LIMS1: variants seen among roughly 807,000 people sequenced by gnomAD.
LIMS1 encodes LIM and senescent cell antigen-like-containing domain protein 1.
A neutral mutation model predicts 44.1 loss-of-function variants in LIMS1; 18 were observed. The ratio of observed to expected loss-of-function variants is 0.41; its 90% CI spans 0.28 to 0.61. LIMS1 has a LOEUF of 0.61. Among genes scored for constraint, LIMS1 ranks in the 20% least tolerant of loss-of-function variants. The pLI is 0.32. For synonymous variants in LIMS1, 93 were observed against 149.1 expected (o/e 0.62, Z 2.74); for missense variants, 201 against 422.0 (o/e 0.48, Z 4.59).
intron 1 of LIMS1, among the ~76,000 whole-genome samples, chr2:108,630,882 T>A (rs1383590525): frequency 1.3e-5 from 2 of 152,244 alleles, no homozygotes; most frequent in African/African-American, 4.8e-5. Context: ...TAAGCTTTCA[T>A]ATTTTGTGTT....
chr2:108,647,320 G>A (rs941430045), intron 1 of LIMS1, among the ~76,000 whole-genome samples: 1 of 152,082 alleles, frequency 6.6e-6, no homozygotes, highest in African/African-American at 2.4e-5. Context: ...GAGGCAGCAA[G>A]TAATAGCCTA....
intron 5 of LIMS1, 107 bp from the exon 6 acceptor site, chr2:108,675,771 G>C (rs1291687475): frequency 3.6e-6 from 5 of 1,388,212 alleles, no homozygotes; most frequent in African/African-American, 2.9e-5. Flanking sequence ...AAATTTGCAG[G>C]GATTGTCATA....
chr2:108,649,094 G>A (rs938633928), intron 1 of LIMS1, among the ~76,000 whole-genome samples: 3 of 152,010 alleles, frequency 2.0e-5, no homozygotes, highest in Non-Finnish European at 4.4e-5. Flanking sequence ...TCTGACAAAG[G>A]GCTAATATCC....
intron 1 of LIMS1, among the ~76,000 whole-genome samples, chr2:108,612,248 A>G (rs1687698221): frequency 6.6e-6 from 1 of 151,924 alleles, no homozygotes; most frequent in Non-Finnish European, 1.5e-5. Flanking sequence ...AAGCAGTAGG[A>G]GCAAGTGGCT....
chr2:108,622,970 T>C (rs1688336361), intron 1 of LIMS1, among the ~76,000 whole-genome samples: 1 of 129,518 alleles, frequency 7.7e-6, no homozygotes, highest in African/African-American at 2.9e-5. Context: ...TTCAAACAAC[T>C]AGATTTTTTT....
intron 8 of LIMS1, among the ~76,000 whole-genome samples, chr2:108,679,864 A>G (rs1692835621): frequency 6.6e-6 from 1 of 152,140 alleles, no homozygotes; most frequent in African/African-American, 2.4e-5. Context: ...TGATCGCACC[A>G]CTGCAATACA....
intron 1 of LIMS1, among the ~76,000 whole-genome samples, chr2:108,589,392 T>G (rs545476022): frequency 1.5e-4 from 23 of 152,202 alleles, no homozygotes; most frequent in Non-Finnish European, 3.1e-4. Flanking sequence ...TACAGTATTA[T>G]TAATTATAAT....
intron 1 of LIMS1, among the ~76,000 whole-genome samples, chr2:108,580,376 A>G (rs773456158): frequency 6.6e-6 from 1 of 152,208 alleles, no homozygotes; most frequent in Admixed American, 6.5e-5. Flanking sequence ...AGGAAGAAGC[A>G]CCATGCCTAG....
Position 108,585,185 on chromosome 2 carries a change from G to A in LIMS1, c.32+50591G>A, listed in dbSNP as rs1302947642. ...AAAAAAAAAAAAGGCGGGGCCAGGC[G>A]ATATAGGGTTTTGTGTGTTACCTTA... On this transcript the variant is annotated intron_variant, in intron 1 of 9. Transcript: ENST00000544547. Among the ~76,000 whole-genome samples the A allele has an allele frequency of 2.7e-5, 4 of 150,562 alleles. No homozygotes were observed. The South Asian group carries it at 6.3e-4, about 24-fold the overall frequency.
intron 1 of LIMS1, among the ~76,000 whole-genome samples, chr2:108,625,866 G>T (rs570644987): frequency 6.6e-6 from 1 of 152,282 alleles, no homozygotes; most frequent in South Asian, 2.1e-4. Context: ...ATTTTTAAGT[G>T]GTGGGAATGT....
At chr2:108,552,991 A>G (rs993085938) in intron 1 of LIMS1, among the ~76,000 whole-genome samples, 2 of 152,244 alleles carry the variant, frequency 1.3e-5, no homozygotes, top group African/African-American at 4.8e-5. Context: ...GGCCATATCC[A>G]ATGAAAAATA....
intron 1 of LIMS1, among the ~76,000 whole-genome samples, chr2:108,541,704 A>G (rs1197907539): frequency 2.0e-5 from 3 of 152,108 alleles, no homozygotes; most frequent in East Asian, 3.9e-4. Flanking sequence ...GAAAATGATG[A>G]TTTCCTGCCT....
At chr2:108,670,001 C>T (rs1278583229) in intron 2 of LIMS1, among the ~76,000 whole-genome samples, 3 of 151,904 alleles carry the variant, frequency 2.0e-5, no homozygotes, top group Non-Finnish European at 2.9e-5. Flanking sequence ...ATTCAGAAAG[C>T]ACATTTTAAA....
chr2:108,556,876 C>G (rs955864479), intron 1 of LIMS1, among the ~76,000 whole-genome samples: 1 of 152,202 alleles, frequency 6.6e-6, no homozygotes, highest in Non-Finnish European at 1.5e-5. Flanking sequence ...GCTGACCAAT[C>G]GTTACCTACT....
chr2:108,566,884 A>G lies in LIMS1; in HGVS notation c.32+32290A>G, dbSNP rs138439601. Among the ~76,000 whole-genome samples, 55 of 152,256 alleles carry G rather than the reference A, an allele frequency of 3.6e-4. No homozygotes were observed. In the South Asian group the frequency reaches 7.9e-3, roughly 22 times the overall value. On this transcript the variant is annotated intron_variant, in intron 1 of 9. Transcript: ENST00000544547. ...CGTGCTGGGATTACAGGTGTGAGCTACTGCACCTGGCCCATCGTAACACTT... is the reference window on the plus strand; with the variant it reads ...CGTGCTGGGATTACAGGTGTGAGCTGCTGCACCTGGCCCATCGTAACACTT...
chr2:108,567,176 G>C (rs574217499), intron 1 of LIMS1, among the ~76,000 whole-genome samples: 1 of 152,194 alleles, frequency 6.6e-6, no homozygotes, highest in Non-Finnish European at 1.5e-5. Context: ...ACCAGTGTCT[G>C]TGTGGGGTTT....
chr2:108,597,025 C>G (rs1315981730), intron 1 of LIMS1, among the ~76,000 whole-genome samples: 1 of 146,658 alleles, frequency 6.8e-6, no homozygotes, highest in African/African-American at 2.5e-5. Flanking sequence ...TCTCCTGCCT[C>G]AGCCTCCCGA....
At chr2:108,539,420 G>A (rs1684248083) in intron 1 of LIMS1, among the ~76,000 whole-genome samples, 1 of 152,142 alleles carries the variant, frequency 6.6e-6, no homozygotes, top group South Asian at 2.1e-4. Context: ...TGTAGAGTTA[G>A]TATGTGCATG....
intron 1 of LIMS1, among the ~76,000 whole-genome samples, chr2:108,615,398 C>CT (rs1189080206): frequency 5.9e-5 from 9 of 152,122 alleles, no homozygotes; most frequent in African/African-American, 2.2e-4. Context: ...AAGCTTCTGT[C>CT]TGTGTTCCTT....
Sources: gnomAD v4.1 joint callset for allele counts (sites outside exome capture counted in the v4.1 genomes callset) on GRCh38, gnomAD v4.1.1 for gene constraint, MANE v1.5 for transcripts, NCBI Gene and HGNC (gene_info 2026-07-23, HGNC 2026-07-21) for gene names.